Variants in MRPL11 observed in about 807,000 individuals in gnomAD.
MRPL11 encodes the protein large ribosomal subunit protein uL11m.
In MRPL11, 21 loss-of-function variants were observed where a neutral mutation model predicts 19.1. The ratio of observed to expected loss-of-function variants is 1.10; its 90% CI spans 0.78 to 1.58. MRPL11 has a LOEUF of 1.58. MRPL11 is among the 40% of genes most tolerant of loss of function. The pLI is 0.00. For synonymous variants in MRPL11, 108 were observed against 99.7 expected (o/e 1.08, Z -0.49); for missense variants, 242 against 243.9 (o/e 0.99, Z 0.05).
intron 1 of MRPL11, 105 bp downstream of exon 1, chr11:66,438,527 C>A: frequency 7.0e-7 from 1 of 1,427,648 alleles, no homozygotes; most frequent in Non-Finnish European, 9.3e-7. Flanking sequence ...CAGAGCCGAG[C>A]TCTGAACCGA....
chr11:66,438,631 C>T lies in MRPL11; in HGVS notation c.123+1G>A. The stretch of plus-strand genomic sequence containing the variant: ...ACGTCGGGTTCCCGCCACGGCCGCA[C>T]CTGACCCAGCACTGGGCCTAGTGGG... On this transcript the variant is annotated splice_donor_variant, in intron 1 of 4. Transcript: ENST00000310999. LOFTEE classifies it high-confidence loss of function. The T allele has an allele frequency of 6.6e-7, 1 of 1,516,502 alleles. No homozygotes were observed. 93.9% of individuals were successfully genotyped at this position (1,516,502 alleles called of 1,614,324 possible). A position where few individuals can be genotyped will look rare whatever the true frequency, so the allele number is the denominator to read the frequency against.
In MRPL11 at chr11:66,435,721, C is replaced by G. The variant is rs1189798970; in HGVS notation, c.*286G>C. 2 of 277,478 alleles carry G rather than the reference C, an allele frequency of 7.2e-6. No homozygotes were observed. The highest frequency in any genetic ancestry group is 1.4e-5 in the Non-Finnish European group (2 of 147,998). 17.2% of individuals were successfully genotyped at this position (277,478 alleles called of 1,614,324 possible). Reference sequence around the variant, plus strand: ...CAAGTTACTTTGCTTGGCTGAACCTCAGTTTGCACATCTGAGAAGCAGTAT... The same window carrying G: ...CAAGTTACTTTGCTTGGCTGAACCTGAGTTTGCACATCTGAGAAGCAGTAT... On this transcript the variant is annotated 3_prime_UTR_variant, in exon 5 of 5. Transcript: ENST00000310999.
At position 66,437,821 on chromosome 11, in the gene MRPL11, C is replaced by G. The variant is rs185320917; in HGVS notation, c.219+343G>C. On this transcript the variant is annotated intron_variant, in intron 2 of 4. Coordinates refer to ENST00000310999, the MANE Select transcript of MRPL11 (RefSeq NM_016050.5). ...CCCGGGAGGAGGAGATTGCAGTGAGCGGAGATCGTGCCACTGCACTCCAGC... is the reference window on the plus strand; with the variant it reads ...CCCGGGAGGAGGAGATTGCAGTGAGGGGAGATCGTGCCACTGCACTCCAGC... Among the ~76,000 whole-genome samples the G allele has an allele frequency of 3.1e-3, 477 of 152,160 alleles. 1 individual carries two copies. The highest frequency in any genetic ancestry group is 0.011 in the African/African-American group (451 of 41,490).
In MRPL11 at chr11:66,438,743, G is replaced by A. The variant is rs370779247; in HGVS notation, c.12C>T (p.Leu4=). MSK[L]GRAARGLRKP... ...TCCTGAGGCCCCGGGCGGCCCGGCC[G>A]AGCTTTGACATGATGCGGGGCTGCT... is the stretch of plus-strand genomic sequence containing the variant. Residue 4 remains leucine (L), a synonymous_variant, in exon 1 of 5, where the codon CTC becomes CTT. Transcript: ENST00000310999. The A allele has an allele frequency of 1.3e-6, 2 of 1,567,572 alleles. No individual in the cohort carries two copies. Among genetic ancestry groups the A allele is most frequent in the Admixed American group, 1.9e-5 (1 of 52,114 alleles).
intron 2 of MRPL11, 78 bp from the exon 3 acceptor site, chr11:66,437,521 C>CT (rs1458830884): frequency 7.9e-7 from 1 of 1,273,220 alleles, no homozygotes; most frequent in East Asian, 2.4e-5. Context: ...TTGCCCCCTG[C>CT]TTCCTTCATC....
In MRPL11 at chr11:66,435,270, T is replaced by G. The variant is rs1856943457; in HGVS notation, c.*737A>C. ...AGAAGGCCAAGGGCTTCCCGAGGAC[T>G]TCTCCATCAGGCAGGAACCTACTGA... On this transcript the variant is annotated 3_prime_UTR_variant, in exon 5 of 5. Transcript: ENST00000310999. 1 of 152,268 alleles carries G rather than the reference T, an allele frequency of 6.6e-6. No individual in the cohort carries two copies. The highest frequency in any genetic ancestry group is 2.1e-4 in the South Asian group (1 of 4,834). The allele number at this position is 152,268 out of a possible 1,614,324, so 9.4% of individuals were successfully genotyped here.
Position 66,436,068 on chromosome 11 carries a change from A to T in MRPL11, c.518T>A (p.Ile173Asn). 1 of 1,614,070 alleles carries T rather than the reference A, an allele frequency of 6.2e-7. No homozygotes were observed. Among genetic ancestry groups the T allele is most frequent in the Non-Finnish European group, 8.5e-7 (1 of 1,179,988 alleles). ...ELAAFQKERA[I>N]FLAAQKEADL... ...TGCCTCCTTCTGAGCAGCCAGGAAG[A>T]TGGCTCGTTCCTTCTGGAAAGCTGC... Residue 173 changes from isoleucine to asparagine, a missense_variant, in exon 5 of 5, where the codon ATC (isoleucine) becomes AAC (asparagine). Transcript: ENST00000310999.
rs768915298 is a variant in MRPL11, at chr11:66,438,801, C to G, written c.-47G>C. ...GTTCACCTCAGGGGAGCAGCAAGAG[C>G]GAAGCTCTGGGCGCCACCATCTTGG... On this transcript the variant is annotated 5_prime_UTR_variant, in exon 1 of 5. Coordinates refer to ENST00000310999, the MANE Select transcript of MRPL11 (RefSeq NM_016050.5). The G allele has an allele frequency of 5.6e-6, 8 of 1,435,396 alleles. No individual in the cohort carries two copies. Among genetic ancestry groups the G allele is most frequent in the South Asian group, 1.5e-5 (1 of 68,278 alleles). The allele number at this position is 1,435,396 out of a possible 1,614,324, so 88.9% of individuals were successfully genotyped here. A position where few individuals can be genotyped will look rare whatever the true frequency, so the allele number is the denominator to read the frequency against.
chr11:66,437,659 G>A (rs1857012926), intron 2 of MRPL11, among the ~76,000 whole-genome samples: 1 of 152,110 alleles, frequency 6.6e-6, no homozygotes, highest in African/African-American at 2.4e-5. Flanking sequence ...GATCACCTGA[G>A]GTCAGGAGTT....
chr11:66,438,387 C>G, intron 1 of MRPL11, 128 bp from the exon 2 acceptor site: 1 of 904,012 alleles, frequency 1.1e-6, no homozygotes, highest in East Asian at 2.5e-5. Flanking sequence ...ATTCAACTAC[C>G]CCTCCGTGAG....
chr11:66,438,040 G>T (rs1857022058), intron 2 of MRPL11, 124 bp downstream of exon 2: 1 of 691,164 alleles, frequency 1.4e-6, no homozygotes. Flanking sequence ...GTCCTAAATG[G>T]GGAAAGTGGA....
At chr11:66,437,467 G>T in intron 2 of MRPL11, 24 bp from the exon 3 acceptor site, 1 of 1,607,666 alleles carries the variant, frequency 6.2e-7, no homozygotes, top group Non-Finnish European at 8.5e-7. Context: ...AGAAATATGA[G>T]ATTCTCTCTT....
chr11:66,438,218 C>G lies in MRPL11; in HGVS notation c.165G>C (p.Glu55Asp), dbSNP rs1857026825. The change falls in exon 2 of 5, where the codon GAG becomes GAC. Residue 55 changes from glutamate (E) to aspartate (D), a missense_variant. Glu to Asp is a conservative substitution (Grantham distance 45). Transcript: ENST00000310999. ...SINQFCKEFN[E>D]RTKDIKEGIP... ...TGCCTTCCTTGATGTCCTTTGTCCTCTCATTGAACTCCTTGCAAAACTGGT... is the reference window on the plus strand; with the variant it reads ...TGCCTTCCTTGATGTCCTTTGTCCTGTCATTGAACTCCTTGCAAAACTGGT... 13 of 1,613,998 alleles carry G rather than the reference C, an allele frequency of 8.1e-6. No individual in the cohort carries two copies. Among genetic ancestry groups the G allele is most frequent in the African/African-American group, 1.3e-5 (1 of 74,914 alleles).
intron 2 of MRPL11, among the ~76,000 whole-genome samples, chr11:66,437,951 A>C (rs1857020324): frequency 6.6e-6 from 1 of 152,182 alleles, no homozygotes; most frequent in Non-Finnish European, 1.5e-5. Context: ...TCTGCTCTGG[A>C]AGCCCCAGTG....
rs377543470 is a variant in MRPL11 at position 66,437,212 on chromosome 11, C to A, written c.365G>T (p.Arg122Leu). 8 of 1,614,212 alleles carry A rather than the reference C, an allele frequency of 5.0e-6. No homozygotes were observed. Among genetic ancestry groups the A allele is most frequent in the Non-Finnish European group, 6.8e-6 (8 of 1,180,050 alleles). Residue 122 changes from arginine (R) to leucine (L), a missense_variant, in exon 4 of 5, where the codon CGC (arginine) becomes CTC (leucine). Coordinates refer to ENST00000310999, the MANE Select transcript of MRPL11 (RefSeq NM_016050.5). ...VTLKHVYEIARIKAQDEAFAL... is the reference protein window; with the variant it reads ...VTLKHVYEIALIKAQDEAFAL... ...AAATGCCTCATCCTGAGCTTTGATG[C>A]GGGCAATCTCATACACATGCTTCAA...
chr11:66,436,914 T>C, intron 4 of MRPL11, 190 bp downstream of exon 4: 6 of 1,612,384 alleles, frequency 3.7e-6, no homozygotes. Flanking sequence ...CAACGTCTAA[T>C]ACATAACAGG....
Position 66,437,416 on chromosome 11 carries a change from C to T in MRPL11, c.247G>A (p.Gly83Arg). 2 of 1,614,134 alleles carry T rather than the reference C, an allele frequency of 1.2e-6. No homozygotes were observed. The highest frequency in any genetic ancestry group is 1.7e-6 in the Non-Finnish European group (2 of 1,180,016). ...AGGAAGTAGGAAACAGTGGGCTGTC[C>T]AATCTTAATTTCAAATGTCCTGTCA... ...KPDRTFEIKI[G>R]QPTVSYFLKA... The change falls in exon 3 of 5, where the codon GGA becomes AGA. Residue 83 changes from glycine to arginine, a missense_variant. Physicochemically the swap from Gly to Arg is moderately radical, Grantham distance 125. Coordinates refer to ENST00000310999, the MANE Select transcript of MRPL11 (RefSeq NM_016050.5).
chr11:66,437,485 C>T (rs1399480580), intron 2 of MRPL11, 42 bp from the exon 3 acceptor site: 2 of 1,581,870 alleles, frequency 1.3e-6, no homozygotes. Context: ...CTTCCTACTG[C>T]CCCATCCCAG....
At chr11:66,436,185 G>T in intron 4 of MRPL11, 73 bp from the exon 5 acceptor site, 2 of 1,353,308 alleles carry the variant, frequency 1.5e-6, no homozygotes, top group Non-Finnish European at 2.1e-6. Flanking sequence ...CCTATGTCTT[G>T]CAGGGGCTTG....
Sources: gnomAD v4.1 joint callset for allele counts (sites outside exome capture counted in the v4.1 genomes callset) on GRCh38, gnomAD v4.1.1 for gene constraint, MANE v1.5 for transcripts, NCBI Gene and HGNC (gene_info 2026-07-23, HGNC 2026-07-21) for gene names.